USP3: variants seen among roughly 807,000 people sequenced by gnomAD.
USP3 encodes ubiquitin specific peptidase 3, also known as ubiquitin carboxyl-terminal hydrolase 3.
Under a neutral mutation model 72.3 loss-of-function variants are expected in USP3, and 20 were observed. The observed-to-expected ratio is 0.28, with a 90% CI of 0.19 to 0.40. The LOEUF (loss-of-function observed/expected upper bound fraction) is 0.40. USP3 is among the 10% of genes least tolerant of loss of function. USP3 has a pLI of 1.00. For missense variants in USP3, 479 were observed against 633.9 expected (o/e 0.76, Z 2.62); for synonymous variants, 222 against 225.3 (o/e 0.99, Z 0.13).
chr15:63,588,267 G>A lies in USP3; in HGVS notation c.1097-38G>A, dbSNP rs376760928. 6.1e-6 allele frequency: 9 copies of A among 1,485,078 alleles called. No homozygotes were observed. In the African/African-American group the frequency reaches 1.3e-4, roughly 21 times the overall value. 92.0% of individuals were successfully genotyped at this position (1,485,078 alleles called of 1,614,324 possible). ...CTACAGTACATTGCCTCTACAAAAG[G>A]CATCTTGTTTTAATGCTGCCAAAAT... On this transcript the variant is annotated intron_variant, in intron 11 of 14. Coordinates refer to ENST00000380324, the MANE Select transcript of USP3 (RefSeq NM_006537.4). This position sits in a 1 kb window ranked among gnomAD's most constrained non-coding sequence, Gnocchi z 4.6.
chr15:63,548,498 G>C (rs1207101806), intron 3 of USP3, among the ~76,000 whole-genome samples: 2 of 151,716 alleles, frequency 1.3e-5, no homozygotes, highest in Non-Finnish European at 2.9e-5. Flanking sequence ...GCTAATTTTT[G>C]TATTTTTTTA....
At chr15:63,542,132 A>G in intron 3 of USP3, 1 of 985,114 alleles carries the variant, frequency 1.0e-6, no homozygotes, top group Non-Finnish European at 1.2e-6. Context: ...GACTTGAGTA[A>G]CTTCAATAGC....
At chr15:63,509,788 T>G (rs1296177965) in intron 1 of USP3, among the ~76,000 whole-genome samples, 2 of 152,150 alleles carry the variant, frequency 1.3e-5, no homozygotes, top group Non-Finnish European at 1.5e-5. Flanking sequence ...GGATGTGAAA[T>G]GTGTGAAATT....
chr15:63,569,756 A>G (rs1462256371), intron 8 of USP3, among the ~76,000 whole-genome samples: 1 of 152,198 alleles, frequency 6.6e-6, no homozygotes, highest in African/African-American at 2.4e-5. Context: ...TAAGAATTTC[A>G]TATAGTTTCC....
intron 8 of USP3, among the ~76,000 whole-genome samples, chr15:63,566,854 A>G (rs1211487120): frequency 1.3e-5 from 2 of 152,224 alleles, no homozygotes; most frequent in Admixed American, 6.5e-5. Flanking sequence ...GTAGGAATAC[A>G]TTTAACTTAT....
intron 3 of USP3, among the ~76,000 whole-genome samples, chr15:63,546,212 C>T (rs1252111082): frequency 1.3e-5 from 2 of 152,160 alleles, no homozygotes. Flanking sequence ...CCTCTCCTGT[C>T]AGTTTCTCAG....
At chr15:63,578,498 C>G (rs1405583467) in intron 11 of USP3, among the ~76,000 whole-genome samples, 1 of 151,058 alleles carries the variant, frequency 6.6e-6, no homozygotes, top group Non-Finnish European at 1.5e-5. Context: ...TGTAGTCCCA[C>G]CTACTCAGGA....
At position 63,588,723 on chromosome 15, in the gene USP3, A is replaced by C. The variant is rs1374659012; in HGVS notation, c.1237A>C (p.Arg413=). 1.2e-6 allele frequency: 2 copies of C among 1,613,796 alleles called. No individual in the cohort carries two copies. The highest frequency in any genetic ancestry group is 2.2e-5 in the South Asian group (2 of 91,054). Residue 413 remains arginine (R), a synonymous_variant, in exon 13 of 15, where the codon AGA becomes CGA. Coordinates refer to ENST00000380324, the MANE Select transcript of USP3 (RefSeq NM_006537.4). This position sits in a 1 kb window ranked among gnomAD's most constrained non-coding sequence, Gnocchi z 4.6. ...LPKVLCLHLK[R]FHWTAYLRNK... is the part of the protein sequence containing the mutation. ...CCAGGTGCTATGCTTACATTTGAAA[A>C]GATTTCATTGGACAGCATATTTAAG...
In USP3 at chr15:63,553,065, G is replaced by A. The variant is rs2066458843; in HGVS notation, c.285-650G>A. On this transcript the variant is annotated intron_variant, in intron 3 of 14. Coordinates refer to ENST00000380324, the MANE Select transcript of USP3 (RefSeq NM_006537.4). This position sits in a 1 kb window ranked among gnomAD's most constrained non-coding sequence, Gnocchi z 4.2. The stretch of plus-strand genomic sequence containing the variant: ...TGACTTATAAAACACACAGAGTATC[G>A]GTTTTTAAATATAGCTTAAATATTT... Among the ~76,000 whole-genome samples, 2 of 152,058 alleles carry A rather than the reference G, an allele frequency of 1.3e-5. No individual in the cohort carries two copies. Among genetic ancestry groups the A allele is most frequent in the African/African-American group, 2.4e-5 (1 of 41,408 alleles).
chr15:63,541,230 A>C (rs1473636601), intron 3 of USP3, among the ~76,000 whole-genome samples: 1 of 152,206 alleles, frequency 6.6e-6, no homozygotes, highest in Non-Finnish European at 1.5e-5. Context: ...ATATTGTGAA[A>C]TATGAATCAG....
intron 1 of USP3, among the ~76,000 whole-genome samples, chr15:63,525,207 A>T (rs2065964893): frequency 6.6e-6 from 1 of 152,190 alleles, no homozygotes; most frequent in Non-Finnish European, 1.5e-5. Flanking sequence ...CCTGCCTTGG[A>T]CCTGAATTCA....
At chr15:63,507,328 T>G (rs1364161847) in intron 1 of USP3, among the ~76,000 whole-genome samples, 1 of 152,224 alleles carries the variant, frequency 6.6e-6, no homozygotes, top group Non-Finnish European at 1.5e-5. Context: ...GTTCTACCAG[T>G]TAGCAGTACC....
chr15:63,562,622 T>C (rs2066625945), intron 7 of USP3, among the ~76,000 whole-genome samples: 1 of 152,234 alleles, frequency 6.6e-6, no homozygotes, highest in South Asian at 2.1e-4. Flanking sequence ...CTGTATGGTT[T>C]GCTTGCGTGT....
Position 63,504,730 on chromosome 15 carries a change from C to T in USP3, c.-10C>T, listed in dbSNP as rs201729390. ...GAGCCGCAGTCCTCCCAGCTGCCCTCCTCGTGGCCATGGAGTGTCCACACC... is the reference window on the plus strand; with the variant it reads ...GAGCCGCAGTCCTCCCAGCTGCCCTTCTCGTGGCCATGGAGTGTCCACACC... On this transcript the variant is annotated 5_prime_UTR_variant, in exon 1 of 15. Coordinates refer to ENST00000380324, the MANE Select transcript of USP3 (RefSeq NM_006537.4). 13 of 1,601,230 alleles carry T rather than the reference C, an allele frequency of 8.1e-6. No homozygotes were observed. The African/African-American group carries it at 1.2e-4, about 15-fold the overall frequency.
intron 11 of USP3, among the ~76,000 whole-genome samples, chr15:63,579,249 T>C (rs935135998): frequency 3.9e-5 from 6 of 152,208 alleles, no homozygotes; most frequent in South Asian, 2.1e-4. Context: ...GTCCATTTTC[T>C]CCCAAATTAC....
chr15:63,513,151 A>G (rs2065812303), intron 1 of USP3, among the ~76,000 whole-genome samples: 1 of 152,198 alleles, frequency 6.6e-6, no homozygotes, highest in Non-Finnish European at 1.5e-5. Flanking sequence ...GCTGGGTTTA[A>G]GACAGCCTTC....
rs1470114286 is a variant in USP3, at chr15:63,529,791, G to A, written c.92-2856G>A. ...GATTTCTTTTTCCTCGTACAAAGGA[G>A]GGACAAAAATCCTCCATAATTAAAA... is the stretch of plus-strand genomic sequence containing the variant. On this transcript the variant is annotated intron_variant, in intron 1 of 14. Coordinates refer to ENST00000380324, the MANE Select transcript of USP3 (RefSeq NM_006537.4). The surrounding 1 kb of genome is among the most constrained non-coding windows in gnomAD (Gnocchi z 4.2). Among the ~76,000 whole-genome samples the A allele has an allele frequency of 6.6e-6, 1 of 152,144 alleles. No individual in the cohort carries two copies. The highest frequency in any genetic ancestry group is 1.5e-5 in the Non-Finnish European group (1 of 68,012).
chr15:63,543,684 A>G (rs1309626770), intron 3 of USP3, among the ~76,000 whole-genome samples: 2 of 152,224 alleles, frequency 1.3e-5, no homozygotes, highest in African/African-American at 2.4e-5. Context: ...AAATTCTGCA[A>G]GATAGTGACG....
chr15:63,512,742 C>T (rs1438081273), intron 1 of USP3, among the ~76,000 whole-genome samples: 1 of 152,136 alleles, frequency 6.6e-6, no homozygotes, highest in African/African-American at 2.4e-5. Flanking sequence ...TGCACCAGGC[C>T]TCCCCCTTTC....
Sources: allele counts gnomAD v4.1 joint callset (sites outside exome capture counted in the v4.1 genomes callset), GRCh38; gene constraint gnomAD v4.1.1; non-coding constraint Gnocchi (gnomAD v3.1); transcripts MANE v1.5; gene names NCBI Gene and HGNC (gene_info 2026-07-23, HGNC 2026-07-21).